The following SEL1L2 variants were observed in gnomAD, a reference collection of about 807,000 sequenced individuals.
The protein encoded by SEL1L2 is protein sel-1 homolog 2.
Under a neutral mutation model 98.8 loss-of-function variants are expected in SEL1L2, and 89 were observed. The ratio of observed to expected loss-of-function variants is 0.90; its 90% CI spans 0.76 to 1.07. The LOEUF (loss-of-function observed/expected upper bound fraction) is 1.07. SEL1L2 is among the 50% of genes least tolerant of loss of function. The pLI, the probability that SEL1L2 is intolerant of heterozygous loss-of-function variation, is 0.00. For missense variants in SEL1L2, 788 were observed against 812.0 expected (o/e 0.97, Z 0.36); for synonymous variants, 262 against 278.5 (o/e 0.94, Z 0.59).
At chr20:13,865,948 A>C (rs1209980099) in intron 15 of SEL1L2, among the ~76,000 whole-genome samples, 1 of 151,926 alleles carries the variant, frequency 6.6e-6, no homozygotes, top group African/African-American at 2.4e-5. Flanking sequence ...AAGGAAAGAC[A>C]GTGCCGGAGG....
intron 3 of SEL1L2, among the ~76,000 whole-genome samples, chr20:13,926,318 C>CA (rs11483500): frequency 0.54 from 81,977 of 150,502 alleles, 24,420 homozygotes; most frequent in East Asian, 0.82. Context: ...CCGTTTCAAA[C>CA]AAAAAAAAAT....
At chr20:13,852,074 GTTCAT>G (rs1218343259) in intron 18 of SEL1L2, among the ~76,000 whole-genome samples, 1 of 152,134 alleles carries the variant, frequency 6.6e-6, no homozygotes, top group Non-Finnish European at 1.5e-5. Context: ...CAAATTCAGT[GTTCAT>G]TTGAAAGCAC....
chr20:13,977,719 C>T (rs1302539531), intron 1 of SEL1L2, among the ~76,000 whole-genome samples: 1 of 152,040 alleles, frequency 6.6e-6, no homozygotes, highest in Non-Finnish European at 1.5e-5. Context: ...CTAGCTCTCC[C>T]CAGGCCGAAG....
chr20:13,923,082 T>C (rs1444553360), intron 3 of SEL1L2, among the ~76,000 whole-genome samples: 1 of 152,230 alleles, frequency 6.6e-6, no homozygotes, highest in African/African-American at 2.4e-5. Flanking sequence ...ACAGCACTTT[T>C]ATTTCTTAGT....
In SEL1L2 at chr20:13,939,040, G is replaced by GGTTTTTTTTTTTTTT; in HGVS notation, c.115-7270_115-7269insAAAAAAAAAAAAAAC. ...TCTTTTTGGTTTGTTTGCTTGTTTT[G>GGTTTTTTTTTTTTTT]TTTTTTTTTTTTTTTTTTTCTGAGA... is the stretch of plus-strand genomic sequence containing the variant. On this transcript the variant is annotated intron_variant, in intron 2 of 19. Transcript: ENST00000284951. 1.1e-3 allele frequency among the ~76,000 whole-genome samples: 125 copies of GGTTTTTTTTTTTTTT among 114,070 alleles called. 18 individuals are homozygous for GGTTTTTTTTTTTTTT. The highest frequency in any genetic ancestry group is 5.8e-3 in the Admixed American group (59 of 10,122). 74.8% of individuals were successfully genotyped at this position (114,070 alleles called of 152,430 possible).
Position 13,886,438 on chromosome 20 carries a change from A to C in SEL1L2, c.750T>G (p.Ala250=). 1 of 1,613,194 alleles carries C rather than the reference A, an allele frequency of 6.2e-7. No homozygotes were observed. The highest frequency in any genetic ancestry group is 8.5e-7 in the Non-Finnish European group (1 of 1,179,772). ...CACCTTCACTTTTTTCAAATGTGTC[A>C]GCAACTGTGAATAAAAACAAGCCAG... The part of the protein sequence containing the change: ...SYYKKVADYI[A]DTFEKSEGVP... Residue 250 remains alanine, a synonymous_variant, in exon 9 of 20, where the codon GCT becomes GCG. Coordinates refer to ENST00000284951, the MANE Select transcript of SEL1L2 (RefSeq NM_025229.2).
Position 13,913,939 on chromosome 20 carries a change from T to A in SEL1L2, c.392A>T (p.Tyr131Phe), listed in dbSNP as rs750251618. Residue 131 changes from tyrosine (Y) to phenylalanine (F), a missense_variant, in exon 5 of 20, where the codon TAC becomes TTC. By Grantham distance (22) the Tyr-to-Phe change is conservative. Transcript: ENST00000284951. ...GTCAGCTGCTTTGGCAAAAAGTAGG[T>A]AGGCTCTGTTTCAAGAATATAAAGT... ...SKSQKQKEEAYLLFAKAADMG... is the reference protein window; with the variant it reads ...SKSQKQKEEAFLLFAKAADMG... The A allele has an allele frequency of 1.3e-6, 2 of 1,561,254 alleles. No homozygotes were observed. Among genetic ancestry groups the A allele is most frequent in the Admixed American group, 4.3e-5 (2 of 45,982 alleles).
chr20:13,915,849 A>C (rs756402651), intron 4 of SEL1L2, among the ~76,000 whole-genome samples: 2 of 152,146 alleles, frequency 1.3e-5, no homozygotes, highest in Non-Finnish European at 2.9e-5. Flanking sequence ...ATCCTAAAAG[A>C]CAATTTAATT....
intron 2 of SEL1L2, among the ~76,000 whole-genome samples, chr20:13,939,058 T>TTTTTTTTTTTG (rs2049617601): frequency 3.4e-5 from 4 of 119,186 alleles, no homozygotes; most frequent in African/African-American, 5.9e-5. Flanking sequence ...TTTTTTTTTT[T>TTTTTTTTTTTG]TCTGAGATGG....
chr20:13,968,010 C>T (rs910352037), intron 1 of SEL1L2, among the ~76,000 whole-genome samples: 8 of 152,226 alleles, frequency 5.3e-5, no homozygotes, highest in African/African-American at 1.9e-4. Flanking sequence ...AGGCTAATGG[C>T]TTAGTTATAT....
chr20:13,865,253 A>T lies in SEL1L2; in HGVS notation c.1571-12T>A. 1 of 1,612,664 alleles carries T rather than the reference A, an allele frequency of 6.2e-7. No individual in the cohort carries two copies. The highest frequency in any genetic ancestry group is 8.5e-7 in the Non-Finnish European group (1 of 1,178,776). On this transcript the variant is annotated splice_polypyrimidine_tract_variant and intron_variant, in intron 16 of 19. Transcript: ENST00000284951. ...AATGTTAGCCTTTTCTAAAAAGAGG[A>T]GACATTCCATTAGGAAGGCTTAAAA...
intron 5 of SEL1L2, among the ~76,000 whole-genome samples, chr20:13,904,667 G>A (rs1292053330): frequency 6.6e-6 from 1 of 152,084 alleles, no homozygotes; most frequent in Non-Finnish European, 1.5e-5. Context: ...TGGGATCCTG[G>A]TACTCCTCTC....
At chr20:13,912,804 A>G (rs898550596) in intron 5 of SEL1L2, among the ~76,000 whole-genome samples, 28 of 152,296 alleles carry the variant, frequency 1.8e-4, no homozygotes, top group African/African-American at 6.7e-4. Context: ...TACTACCCCC[A>G]TCTGGTATTT....
At chr20:13,973,519 A>T (rs2051381906) in intron 1 of SEL1L2, 1 of 152,252 alleles carries the variant, frequency 6.6e-6, no homozygotes, top group Admixed American at 6.5e-5. Flanking sequence ...TGGGTATTGC[A>T]GAGTGTGCTA....
chr20:13,963,540 A>G (rs1569051185), intron 1 of SEL1L2, among the ~76,000 whole-genome samples: 1 of 151,944 alleles, frequency 6.6e-6, no homozygotes, highest in East Asian at 1.9e-4. Flanking sequence ...AACATGGTGA[A>G]ACCCGTCTCT....
At chr20:13,873,983 A>G (rs2046319875) in intron 12 of SEL1L2, among the ~76,000 whole-genome samples, 1 of 152,142 alleles carries the variant, frequency 6.6e-6, no homozygotes, top group Non-Finnish European at 1.5e-5. Flanking sequence ...AACAGGAAAG[A>G]GATCATGTGA....
At chr20:13,905,218 T>C (rs1408518151) in intron 5 of SEL1L2, among the ~76,000 whole-genome samples, 5 of 152,166 alleles carry the variant, frequency 3.3e-5, no homozygotes, top group African/African-American at 1.2e-4. Context: ...AAAATACTAC[T>C]TGAAGTATGC....
intron 5 of SEL1L2, among the ~76,000 whole-genome samples, chr20:13,904,871 G>A (rs571260371): frequency 1.3e-5 from 2 of 152,266 alleles, no homozygotes; most frequent in Non-Finnish European, 1.5e-5. Context: ...TAAAGATACT[G>A]TTCTATTGAG....
At chr20:13,983,818 G>A (rs1369905995) in intron 1 of SEL1L2, among the ~76,000 whole-genome samples, 2 of 151,772 alleles carry the variant, frequency 1.3e-5, no homozygotes, top group Non-Finnish European at 1.5e-5. Context: ...ACTGTGGCCC[G>A]CCAGCACTAG....
Sources: allele counts gnomAD v4.1 joint callset (sites outside exome capture counted in the v4.1 genomes callset), GRCh38; gene constraint gnomAD v4.1.1; transcripts MANE v1.5; gene names NCBI Gene and HGNC (gene_info 2026-07-23, HGNC 2026-07-21).